The following SMAD4 variants were observed in gnomAD, a reference collection of about 807,000 sequenced individuals.
The protein encoded by SMAD4 is SMAD family member 4, also known as MAD homolog 4.
Under a neutral mutation model 63.2 loss-of-function variants are expected in SMAD4, and 7 were observed. That is an observed-to-expected ratio of 0.11 (90% confidence interval 0.06 to 0.21). The LOEUF (loss-of-function observed/expected upper bound fraction) is 0.21, where lower values mean the gene tolerates loss of function less well. SMAD4 is among the 10% of genes least tolerant of loss of function. SMAD4 has a pLI of 1.00. For missense variants in SMAD4, 312 were observed against 693.8 expected, an observed-to-expected ratio of 0.45 and a Z score of 6.18; for synonymous variants, 215 against 235.4, an observed-to-expected ratio of 0.91 and a Z score of 0.79.
intron 10 of SMAD4, among the ~76,000 whole-genome samples, chr18:51,070,014 T>A (rs1416737387): frequency 6.6e-6 from 1 of 152,218 alleles, no homozygotes; most frequent in Non-Finnish European, 1.5e-5. Flanking sequence ...GGATGACTAT[T>A]TTAAATAGTT....
At chr18:51,061,349 A>C (rs565079102) in intron 8 of SMAD4, among the ~76,000 whole-genome samples, 2 of 152,034 alleles carry the variant, frequency 1.3e-5, no homozygotes, top group African/African-American at 2.4e-5. Context: ...CCTTCCCCCA[A>C]TCCCCCACTA....
intron 1 of SMAD4, among the ~76,000 whole-genome samples, chr18:51,037,057 G>T (rs1043268307): frequency 6.6e-6 from 1 of 152,146 alleles, no homozygotes; most frequent in Non-Finnish European, 1.5e-5. Flanking sequence ...CTACTCACAT[G>T]CCTGTAATCC....
intron 1 of SMAD4, among the ~76,000 whole-genome samples, chr18:51,036,656 A>G (rs1909215007): frequency 1.3e-5 from 2 of 152,242 alleles, no homozygotes; most frequent in South Asian, 4.1e-4. Flanking sequence ...GCATATACTC[A>G]TGATACTTAA....
chr18:51,059,736 G>A, intron 7 of SMAD4, 130 bp from the exon 8 acceptor site: 1 of 710,928 alleles, frequency 1.4e-6, no homozygotes. Context: ...TAAGTTCTTA[G>A]ACATTGCATA....
chr18:51,040,632 T>C (rs1909348756), intron 1 of SMAD4, among the ~76,000 whole-genome samples: 1 of 152,136 alleles, frequency 6.6e-6, no homozygotes, highest in African/African-American at 2.4e-5. Context: ...CTCTGGCCAG[T>C]ATTCAGCCTG....
intron 1 of SMAD4, among the ~76,000 whole-genome samples, chr18:51,032,067 G>A (rs1261471563): frequency 1.3e-5 from 2 of 152,192 alleles, no homozygotes; most frequent in African/African-American, 4.8e-5. Flanking sequence ...CAGAACAAAT[G>A]TAATAGAGAT....
chr18:51,044,696 A>G (rs1031732115), intron 1 of SMAD4, among the ~76,000 whole-genome samples: 1 of 152,226 alleles, frequency 6.6e-6, no homozygotes, highest in Non-Finnish European at 1.5e-5. Context: ...CCTGGCCACA[A>G]TTAAGCATGT....
At chr18:51,062,723 T>C (rs994077472) in intron 8 of SMAD4, among the ~76,000 whole-genome samples, 9 of 151,320 alleles carry the variant, frequency 5.9e-5, no homozygotes, top group Admixed American at 6.6e-5. Context: ...GGTCTTGAAC[T>C]CTTGGCCTCA....
intron 1 of SMAD4, among the ~76,000 whole-genome samples, chr18:51,032,062 C>A (rs1201070956): frequency 6.6e-6 from 1 of 152,096 alleles, no homozygotes; most frequent in Non-Finnish European, 1.5e-5. Flanking sequence ...TGTTACAGAA[C>A]AAATGTAATA....
chr18:51,047,991 T>C (rs143183842), intron 2 of SMAD4, among the ~76,000 whole-genome samples: 61 of 152,228 alleles, frequency 4.0e-4, no homozygotes, highest in African/African-American at 1.3e-3. Flanking sequence ...AAATCTGATA[T>C]GTTTCACTGT....
At position 51,048,804 on chromosome 18, in the gene SMAD4, G is replaced by A. The variant is rs1357104939; in HGVS notation, c.368G>A (p.Cys123Tyr). 1 of 1,613,610 alleles carries A rather than the reference G, an allele frequency of 6.2e-7. No homozygotes were observed. Among genetic ancestry groups the A allele is most frequent in the Non-Finnish European group, 8.5e-7 (1 of 1,179,772 alleles). The change falls in exon 3 of 12, where the codon TGT becomes TAT. Residue 123 changes from cysteine to tyrosine, a missense_variant. Around this residue, in one of 4 missense-constraint regions of SMAD4, gnomAD observed 14 missense variants for 89.6 expected, o/e 0.16. Transcript: ENST00000342988. ...TGTCAGTATGCGTTTGACTTAAAAT[G>A]TGATAGTGTCTGTGTGAATCCATAT... ...KYCQYAFDLK[C>Y]DSVCVNPYHY...
intron 10 of SMAD4, among the ~76,000 whole-genome samples, chr18:51,072,266 CT>C (rs1403055316): frequency 1.3e-5 from 2 of 152,098 alleles, no homozygotes; most frequent in East Asian, 3.8e-4. Flanking sequence ...TGTTATCTGT[CT>C]TTTTTATTTT....
chr18:51,084,867 G>C lies in SMAD4; in HGVS notation c.*6400G>C, dbSNP rs547102720. 2.7e-5 allele frequency: 6 copies of C among 224,954 alleles called. No homozygotes were observed. Among genetic ancestry groups the C allele is most frequent in the African/African-American group, 1.3e-4 (6 of 45,014 alleles). The allele number at this position is 224,954 out of a possible 1,614,324, so 13.9% of individuals were successfully genotyped here. A position where few individuals can be genotyped will look rare whatever the true frequency, so the allele number is the denominator to read the frequency against. ...TGCAGCTATGCCAGAAGCCAGAGAA[G>C]AGCCACTCGTAGCTTCTGCTTTGGG... On this transcript the variant is annotated 3_prime_UTR_variant, in exon 12 of 12. Transcript: ENST00000342988.
Position 51,083,002 on chromosome 18 carries a change from G to T in SMAD4, c.*4535G>T, listed in dbSNP as rs377120415. The T allele has an allele frequency of 6.2e-5, 14 of 225,372 alleles. No individual in the cohort carries two copies. The highest frequency in any genetic ancestry group is 3.8e-4 in the East Asian group (6 of 15,636). 14.0% of individuals were successfully genotyped at this position (225,372 alleles called of 1,614,324 possible). On this transcript the variant is annotated 3_prime_UTR_variant, in exon 12 of 12. Coordinates refer to ENST00000342988, the MANE Select transcript of SMAD4 (RefSeq NM_005359.6). The stretch of plus-strand genomic sequence containing the variant: ...TATTGGCATTTGATATCAGTTTGAT[G>T]TAGCTTAGAGTGCTTCCTGATTCTT...
intron 11 of SMAD4, 101 bp downstream of exon 11, chr18:51,076,877 G>GTT (rs1047173306): frequency 6.8e-6 from 6 of 881,324 alleles, no homozygotes; most frequent in Admixed American, 3.4e-5. Flanking sequence ...AGAAATTAAA[G>GTT]TTTTTTTTTA....
rs758658410 is a variant in SMAD4 at position 51,079,093 on chromosome 18, A to C, written c.*626A>C. On this transcript the variant is annotated 3_prime_UTR_variant, in exon 12 of 12. Transcript: ENST00000342988. ...TTGCAACTTCAGTTTTATTTTTGCC[A>C]AGGCAAAAAACTCTTAATCTGTGTG... 9.9e-5 allele frequency: 23 copies of C among 232,964 alleles called. No individual in the cohort carries two copies. Among genetic ancestry groups the C allele is most frequent in the Non-Finnish European group, 1.8e-4 (21 of 117,918 alleles). The allele number at this position is 232,964 out of a possible 1,614,324, so 14.4% of individuals were successfully genotyped here. A position where few individuals can be genotyped will look rare whatever the true frequency, so the allele number is the denominator to read the frequency against.
chr18:51,032,283 T>TA (rs1247606487), intron 1 of SMAD4, among the ~76,000 whole-genome samples: 1 of 152,230 alleles, frequency 6.6e-6, no homozygotes. Context: ...TCGTTTTTTT[T>TA]ATTTTTGAAG....
rs369695529 is a variant in SMAD4, at chr18:51,056,489, T to C, written c.667+1496T>C. Among the ~76,000 whole-genome samples, 5 of 152,014 alleles carry C rather than the reference T, an allele frequency of 3.3e-5. No homozygotes were observed. The East Asian group carries it at 5.8e-4, about 18-fold the overall frequency. On this transcript the variant is annotated intron_variant, in intron 5 of 11. Coordinates refer to ENST00000342988, the MANE Select transcript of SMAD4 (RefSeq NM_005359.6). The stretch of plus-strand genomic sequence containing the variant: ...CAAAATGTTCCCTTATGTGGTGGCA[T>C]GCGCCTGTAGTCCCAGCTGCTCCGG...
At chr18:51,072,461 C>T (rs182976413) in intron 10 of SMAD4, among the ~76,000 whole-genome samples, 1 of 152,250 alleles carries the variant, frequency 6.6e-6, no homozygotes, top group Non-Finnish European at 1.5e-5. Context: ...AAATTTATTC[C>T]CAATTAACAC....
Sources: allele counts gnomAD v4.1 joint callset (sites outside exome capture counted in the v4.1 genomes callset), GRCh38; gene constraint gnomAD v4.1.1; regional missense constraint gnomAD v4.1.1; transcripts MANE v1.5; gene names NCBI Gene and HGNC (gene_info 2026-07-23, HGNC 2026-07-21).